The following CCNY variants were observed in gnomAD, a reference collection of about 807,000 sequenced individuals.
CCNY encodes the protein cyclin-Y.
CCNY carries 19 observed loss-of-function variants against 42.8 expected under a neutral mutation model. That is an observed-to-expected ratio of 0.44 (90% CI 0.31 to 0.65). CCNY has a LOEUF of 0.65. CCNY is among the 30% of genes least tolerant of loss of function. The pLI, the probability that CCNY is intolerant of heterozygous loss-of-function variation, is 0.07. For missense variants in CCNY, 370 were observed against 437.3 expected (o/e 0.85, Z 1.37); for synonymous variants, 165 against 162.7 (o/e 1.01, Z -0.11).
rs191905366 is a variant in CCNY, at chr10:35,368,400, T to C, written c.154+31193T>C. On this transcript the variant is annotated intron_variant, in intron 1 of 9. Transcript: ENST00000374704. ...AAAAAAGCATTTTCAGCTGAACTGGTAGGCTTTTATTAGTTTTTCTAATGT... is the reference window on the plus strand; with the variant it reads ...AAAAAAGCATTTTCAGCTGAACTGGCAGGCTTTTATTAGTTTTTCTAATGT... 8.1e-4 allele frequency among the ~76,000 whole-genome samples: 123 copies of C among 152,352 alleles called. 1 individual carries two copies. The highest frequency in any genetic ancestry group is 2.8e-3 in the African/African-American group (117 of 41,592).
chr10:35,437,937 A>G (rs1326719836), intron 1 of CCNY, among the ~76,000 whole-genome samples: 1 of 152,144 alleles, frequency 6.6e-6, no homozygotes, highest in African/African-American at 2.4e-5. Flanking sequence ...AGGAATGAAA[A>G]TAGTGTACAG....
intron 5 of CCNY, among the ~76,000 whole-genome samples, chr10:35,528,321 CT>C (rs1454820106): frequency 3.3e-5 from 5 of 152,218 alleles, no homozygotes; most frequent in African/African-American, 1.2e-4. Context: ...TTGAACCTTT[CT>C]TTCGCTTGGG....
intron 3 of CCNY, among the ~76,000 whole-genome samples, chr10:35,328,175 T>C (rs1564369882): frequency 1.3e-5 from 2 of 152,258 alleles, no homozygotes; most frequent in East Asian, 3.9e-4. Flanking sequence ...ATTGAAGGTG[T>C]TATCACCAGG....
At chr10:35,334,290 A>C (rs1001326469), upstream of CCNY, among the ~76,000 whole-genome samples, 1 of 152,216 alleles carries the variant, frequency 6.6e-6, no homozygotes, top group Non-Finnish European at 1.5e-5. Flanking sequence ...TAATGAAATA[A>C]AAATAGCTTA....
At chr10:35,256,096 T>C (rs1447244932) in intron 3 of CCNY, among the ~76,000 whole-genome samples, 1 of 152,224 alleles carries the variant, frequency 6.6e-6, no homozygotes, top group Non-Finnish European at 1.5e-5. Flanking sequence ...TTGGATCTAA[T>C]AAAAATCATC....
chr10:35,374,897 T>TGA (rs1458146053), intron 1 of CCNY, among the ~76,000 whole-genome samples: 1 of 152,126 alleles, frequency 6.6e-6, no homozygotes, highest in Non-Finnish European at 1.5e-5. Flanking sequence ...TGTCACTAAG[T>TGA]GATACTATGC....
intron 1 of CCNY, among the ~76,000 whole-genome samples, chr10:35,374,465 C>T (rs902779872): frequency 5.3e-5 from 8 of 152,162 alleles, no homozygotes; most frequent in African/African-American, 1.2e-4. Context: ...TATCTCTCAT[C>T]TTGTGATAAA....
intron 1 of CCNY, among the ~76,000 whole-genome samples, chr10:35,436,853 T>C (rs1382871815): frequency 1.3e-5 from 2 of 152,238 alleles, no homozygotes; most frequent in East Asian, 1.9e-4. Context: ...TTAAGTTTTA[T>C]ATTTGGTAAC....
intron 1 of CCNY, among the ~76,000 whole-genome samples, chr10:35,424,839 C>T (rs138830927): frequency 5.5e-4 from 84 of 152,296 alleles, no homozygotes; most frequent in African/African-American, 2.0e-3. Context: ...GACGCTGTTG[C>T]CAAGAACCTG....
rs140061626 is a variant in CCNY, at chr10:35,272,693, C to T, written c.-9+22067C>T. On this transcript the variant is annotated intron_variant, in intron 3 of 11. Coordinates refer to the CCNY transcript ENST00000374706. ...CATTGATGGGCATTTAGGCTGATTC[C>T]ATGTCTTTGGTATTGTGAATAGTGC... Among the ~76,000 whole-genome samples the T allele has an allele frequency of 3.8e-4, 58 of 152,228 alleles. No homozygotes were observed. The East Asian group carries it at 9.4e-3, about 25-fold the overall frequency.
Position 35,338,288 on chromosome 10 carries a change from C to T in CCNY, c.154+1081C>T, listed in dbSNP as rs528966434. Among the ~76,000 whole-genome samples the T allele has an allele frequency of 3.3e-5, 5 of 152,280 alleles. No homozygotes were observed. The East Asian group carries it at 9.6e-4, about 29-fold the overall frequency. On this transcript the variant is annotated intron_variant, in intron 1 of 9. Transcript: ENST00000374704. ...ACTTTGCTAAAGGAAAGATTTTTCT[C>T]GTTTGTCTTCGTGTAATTTCTTCTA... is the stretch of plus-strand genomic sequence containing the variant.
chr10:35,256,079 T>C (rs1353137454), intron 3 of CCNY, among the ~76,000 whole-genome samples: 1 of 152,228 alleles, frequency 6.6e-6, no homozygotes, highest in Non-Finnish European at 1.5e-5. Context: ...TCCAACGGAT[T>C]GTGTCTTTGG....
intron 1 of CCNY, among the ~76,000 whole-genome samples, chr10:35,369,483 A>G (rs1164593372): frequency 6.6e-6 from 1 of 152,236 alleles, no homozygotes; most frequent in Non-Finnish European, 1.5e-5. Context: ...GAAGACACAG[A>G]AGAAATTCCA....
At chr10:35,302,845 T>A (rs1031822912) in intron 3 of CCNY, among the ~76,000 whole-genome samples, 1 of 152,190 alleles carries the variant, frequency 6.6e-6, no homozygotes, top group African/African-American at 2.4e-5. Flanking sequence ...CCTAAAAGCT[T>A]CTTGTTAGTA....
chr10:35,452,525 C>T (rs908609156), intron 1 of CCNY, among the ~76,000 whole-genome samples: 6 of 152,100 alleles, frequency 3.9e-5, no homozygotes, highest in African/African-American at 1.4e-4. Context: ...AACCTTTACT[C>T]GTGTAATTTT....
rs565054524 is a variant in CCNY, at chr10:35,318,989, G to A, written c.-9+68363G>A. 1.9e-4 allele frequency among the ~76,000 whole-genome samples: 29 copies of A among 152,186 alleles called. No homozygotes were observed. In the East Asian group the frequency reaches 5.4e-3, roughly 28 times the overall value. On this transcript the variant is annotated intron_variant, in intron 3 of 11. Transcript: ENST00000374706. ...CTATAGTTTATTTTTTTGAGACAGA[G>A]TCTCATAGTGTCACCTGGGCCGGAG...
chr10:35,403,517 T>C (rs1457199612), intron 1 of CCNY, among the ~76,000 whole-genome samples: 1 of 152,182 alleles, frequency 6.6e-6, no homozygotes, highest in East Asian at 1.9e-4. Context: ...AGCCATGGGA[T>C]CTGATGTCCT....
chr10:35,429,640 A>G (rs1486608457), intron 1 of CCNY, among the ~76,000 whole-genome samples: 1 of 152,246 alleles, frequency 6.6e-6, no homozygotes, highest in Non-Finnish European at 1.5e-5. Context: ...CAGGTAATGT[A>G]CTGTAACGTC....
At chr10:35,518,468 C>A (rs1443035407) in intron 4 of CCNY, among the ~76,000 whole-genome samples, 1 of 150,724 alleles carries the variant, frequency 6.6e-6, no homozygotes, top group Non-Finnish European at 1.5e-5. Context: ...TTGATTGAAT[C>A]TGGCTGAGGC....
Sources: allele counts gnomAD v4.1 joint callset (sites outside exome capture counted in the v4.1 genomes callset), GRCh38; gene constraint gnomAD v4.1.1; transcripts MANE v1.5; gene names NCBI Gene and HGNC (gene_info 2026-07-23, HGNC 2026-07-21).